Variants in HMGN5 observed in about 807,000 individuals in gnomAD.
The protein encoded by HMGN5 is high mobility group nucleosome-binding domain-containing protein 5.
HMGN5 carries 4 observed loss-of-function variants against 9.5 expected under a neutral mutation model. The ratio of observed to expected loss-of-function variants is 0.42; its 90% CI spans 0.21 to 0.96. The LOEUF is 0.96. Ranked by LOEUF, HMGN5 falls within the 40% of genes least tolerant of loss-of-function variation. HMGN5 has a pLI of 0.30. For synonymous variants in HMGN5, 55 were observed against 57.1 expected, an observed-to-expected ratio of 0.96 and a Z score of 0.16; for missense variants, 192 against 187.5, an observed-to-expected ratio of 1.02 and a Z score of -0.14.
At chrX:81,197,789 A>G (rs2075513441) in intron 1 of HMGN5, 1 of 94,941 alleles carries the variant, frequency 1.1e-5, no homozygotes, top group East Asian at 3.5e-4. Context: ...CTACGGTAGT[A>G]TAAGACAAAT....
At chrX:81,151,334 T>A (rs1179426055) in intron 1 of HMGN5, among the ~76,000 whole-genome samples, 1 of 111,782 alleles carries the variant, frequency 8.9e-6, no homozygotes, top group Non-Finnish European at 1.9e-5. Context: ...AGTACCATGC[T>A]GTTTTGGTTA....
Position 81,180,942 on chromosome X carries a change from C to T in HMGN5, c.-124+20795G>A, listed in dbSNP as rs745570353. On this transcript the variant is annotated intron_variant, in intron 1 of 6. Transcript: ENST00000358130. ...GAGACCATCATTCTCAGCAAACTATCACAAGGACAGAAAACCAAACACTGT... is the reference window on the plus strand; with the variant it reads ...GAGACCATCATTCTCAGCAAACTATTACAAGGACAGAAAACCAAACACTGT... 5.4e-5 allele frequency among the ~76,000 whole-genome samples: 6 copies of T among 111,036 alleles called. No homozygotes were observed. The East Asian group carries it at 1.7e-3, about 31-fold the overall frequency.
chrX:81,125,054 G>A lies in HMGN5; in HGVS notation c.-123-3382C>T, dbSNP rs139504043. On this transcript the variant is annotated intron_variant, in intron 1 of 6. Transcript: ENST00000358130. ...ATGCTAAACAGCCAAGATAAAACAG[G>A]TCTTCAAATGTTCTGTATATTCATA... Among the ~76,000 whole-genome samples, 64 of 108,980 alleles carry A rather than the reference G, an allele frequency of 5.9e-4. 1 individual carries two copies. In the East Asian group the frequency reaches 0.013, roughly 21 times the overall value. The allele number at this position is 108,980 out of a possible 115,157, so 94.6% of individuals were successfully genotyped here.
intron 1 of HMGN5, among the ~76,000 whole-genome samples, chrX:81,188,010 C>T (rs1186675848): frequency 1.8e-5 from 2 of 110,928 alleles, no homozygotes; most frequent in Non-Finnish European, 3.8e-5. Flanking sequence ...AAAAACCATA[C>T]ATATTAACTT....
intron 1 of HMGN5, among the ~76,000 whole-genome samples, chrX:81,185,296 A>G (rs2075474290): frequency 9.0e-6 from 1 of 111,288 alleles, no homozygotes; most frequent in Non-Finnish European, 1.9e-5. Flanking sequence ...TCTTACATCA[A>G]TGTTTTATAG....
intron 1 of HMGN5, among the ~76,000 whole-genome samples, chrX:81,150,640 A>C (rs1355378319): frequency 8.9e-6 from 1 of 112,299 alleles, no homozygotes; most frequent in Non-Finnish European, 1.9e-5. Context: ...AGCAGTAATA[A>C]ATTATTTTGA....
intron 1 of HMGN5, among the ~76,000 whole-genome samples, chrX:81,157,576 G>A (rs147300896): frequency 8.1e-5 from 9 of 111,037 alleles, no homozygotes; most frequent in Non-Finnish European, 1.1e-4. Context: ...AAGTATTGGC[G>A]TCTCCTCATA....
At chrX:81,123,330 A>G (rs891152547) in intron 1 of HMGN5, among the ~76,000 whole-genome samples, 1 of 110,828 alleles carries the variant, frequency 9.0e-6, no homozygotes, top group Non-Finnish European at 1.9e-5. Flanking sequence ...CCTTCCCCCA[A>G]CTTCATACTG....
chrX:81,171,634 A>T (rs2075426078), intron 1 of HMGN5, among the ~76,000 whole-genome samples: 1 of 111,712 alleles, frequency 9.0e-6, no homozygotes, highest in African/African-American at 3.2e-5. Flanking sequence ...GGTTTTCCTG[A>T]GTTAAAGGTA....
chrX:81,160,404 G>A (rs1332145026), intron 1 of HMGN5, among the ~76,000 whole-genome samples: 1 of 111,051 alleles, frequency 9.0e-6, no homozygotes, highest in Non-Finnish European at 1.9e-5. Context: ...TCCAGGATGT[G>A]TAGGTTTGTT....
At chrX:81,172,374 T>G (rs986699268) in intron 1 of HMGN5, among the ~76,000 whole-genome samples, 1 of 110,856 alleles carries the variant, frequency 9.0e-6, no homozygotes. Flanking sequence ...TGGTAATAAC[T>G]GGGTGGTTAT....
Position 81,121,675 on chromosome X carries a change from G to GA in HMGN5, c.-123-4_-123-3insT. ...TGCAGCACGACCTGTACTCTCCTCT[G>GA]GAAAAAAAAAAAATCCCTCGTTATT... On this transcript the variant is annotated splice_region_variant and splice_polypyrimidine_tract_variant and intron_variant, in intron 1 of 6. Coordinates refer to ENST00000358130, the MANE Select transcript of HMGN5 (RefSeq NM_030763.3). 4.7e-6 allele frequency: 2 copies of GA among 423,929 alleles called. No individual in the cohort carries two copies. The highest frequency in any genetic ancestry group is 8.0e-6 in the Non-Finnish European group (2 of 250,801). The allele number at this position is 423,929 out of a possible 1,213,427, so 34.9% of individuals were successfully genotyped here. A position where few individuals can be genotyped will look rare whatever the true frequency, so the allele number is the denominator to read the frequency against.
Position 81,180,650 on chromosome X carries a change from C to A in HMGN5, c.-124+21087G>T, listed in dbSNP as rs201858464. Among the ~76,000 whole-genome samples, 23 of 111,891 alleles carry A rather than the reference C, an allele frequency of 2.1e-4. No individual in the cohort carries two copies. In the East Asian group the frequency reaches 6.2e-3, roughly 30 times the overall value. ...TGTGGAAGACAGTGTGGTGATCCCT[C>A]AAGGATCTAGAACTAGAAATATCAT... is the stretch of plus-strand genomic sequence containing the variant. On this transcript the variant is annotated intron_variant, in intron 1 of 6. Coordinates refer to ENST00000358130, the MANE Select transcript of HMGN5 (RefSeq NM_030763.3).
chrX:81,170,919 C>G (rs996422921), intron 1 of HMGN5, among the ~76,000 whole-genome samples: 1 of 110,643 alleles, frequency 9.0e-6, no homozygotes, highest in Non-Finnish European at 1.9e-5. Context: ...GATTGTGACT[C>G]TCTGAGTTAT....
intron 1 of HMGN5, among the ~76,000 whole-genome samples, chrX:81,186,959 C>T (rs186305134): frequency 2.4e-4 from 27 of 111,549 alleles, no homozygotes; most frequent in Non-Finnish European, 4.0e-4. Flanking sequence ...ACTGATCCAC[C>T]GGTCATTCAG....
intron 1 of HMGN5, among the ~76,000 whole-genome samples, chrX:81,150,385 G>T (rs2075357634): frequency 9.0e-6 from 1 of 110,554 alleles, no homozygotes; most frequent in Admixed American, 9.7e-5. Flanking sequence ...CCAACATGAT[G>T]AAACCCCGTC....
chrX:81,133,043 G>T (rs2075302050), intron 1 of HMGN5, among the ~76,000 whole-genome samples: 2 of 111,322 alleles, frequency 1.8e-5, no homozygotes, highest in Admixed American at 1.9e-4. Flanking sequence ...AGTGGGCAAA[G>T]GACATGAACA....
rs41300251 is a variant in HMGN5 at position 81,114,476 on chromosome X, A to C, written c.*173T>G. ...ACTATAATCACAAAATTTATAGATA[A>C]ATGTTTCATGTTAGAAACTTTATGG... On this transcript the variant is annotated 3_prime_UTR_variant, in exon 7 of 7. Transcript: ENST00000358130. 1,087 of 409,022 alleles carry C rather than the reference A, an allele frequency of 2.7e-3. 2 individuals are homozygous for C. The highest frequency in any genetic ancestry group is 3.0e-3 in the Non-Finnish European group (791 of 267,563). 33.7% of individuals were successfully genotyped at this position (409,022 alleles called of 1,213,427 possible).
At chrX:81,149,877 G>T (rs1264340292) in intron 1 of HMGN5, among the ~76,000 whole-genome samples, 1 of 111,771 alleles carries the variant, frequency 8.9e-6, no homozygotes, top group African/African-American at 3.3e-5. Flanking sequence ...AAACATTTAT[G>T]CACCCAACCT....
Sources: allele counts gnomAD v4.1 joint callset (sites outside exome capture counted in the v4.1 genomes callset), GRCh38; gene constraint gnomAD v4.1.1; transcripts MANE v1.5; gene names NCBI Gene and HGNC (gene_info 2026-07-23, HGNC 2026-07-21).